ZNF804B: variants seen among roughly 807,000 people sequenced by gnomAD.
The protein encoded by ZNF804B is zinc finger protein 804B, also known as zinc finger 804B.
Under a neutral mutation model 101.4 loss-of-function variants are expected in ZNF804B, and 80 were observed. That is an observed-to-expected ratio of 0.79 (90% confidence interval 0.66 to 0.95). The LOEUF (loss-of-function observed/expected upper bound fraction) is 0.95, where lower values mean the gene tolerates loss of function less well. ZNF804B is among the 40% of genes least tolerant of loss of function. The pLI, the probability that ZNF804B is intolerant of heterozygous loss-of-function variation, is 0.00. For synonymous variants in ZNF804B, 622 were observed against 558.8 expected (o/e 1.11, Z -1.59); for missense variants, 1,673 against 1,561.9 (o/e 1.07, Z -1.20).
intron 1 of ZNF804B, among the ~76,000 whole-genome samples, chr7:88,973,745 A>T (rs1793570828): frequency 6.6e-6 from 1 of 151,394 alleles, no homozygotes; most frequent in Non-Finnish European, 1.5e-5. Context: ...GTTAAACTTA[A>T]TAGTCAGTGG....
chr7:88,994,777 A>G (rs891322110), intron 1 of ZNF804B, among the ~76,000 whole-genome samples: 3 of 151,980 alleles, frequency 2.0e-5, no homozygotes, highest in African/African-American at 7.2e-5. Context: ...TTTTAATCAC[A>G]TTTATTTATT....
chr7:88,953,324 G>A (rs1182414570), intron 1 of ZNF804B, among the ~76,000 whole-genome samples: 1 of 151,656 alleles, frequency 6.6e-6, no homozygotes, highest in Non-Finnish European at 1.5e-5. Context: ...AATCTGGAAT[G>A]TCCATTTCCC....
chr7:89,183,163 G>GT (rs1272003226), intron 1 of ZNF804B, among the ~76,000 whole-genome samples: 2 of 152,064 alleles, frequency 1.3e-5, no homozygotes, highest in African/African-American at 4.8e-5. Flanking sequence ...TGGAAGAAGA[G>GT]TTAGAACAAG....
intron 1 of ZNF804B, among the ~76,000 whole-genome samples, chr7:88,857,863 C>G (rs1336639139): frequency 8.5e-6 from 1 of 118,004 alleles, no homozygotes; most frequent in African/African-American, 3.6e-5. Flanking sequence ...TCACTGCTGC[C>G]CAGACTGGAG....
chr7:88,885,744 T>C (rs913545482), intron 1 of ZNF804B, among the ~76,000 whole-genome samples: 2 of 151,676 alleles, frequency 1.3e-5, no homozygotes, highest in East Asian at 3.9e-4. Context: ...GAATATCTTC[T>C]TGTCATTGTG....
At chr7:88,796,021 C>T (rs1047587602) in intron 1 of ZNF804B, among the ~76,000 whole-genome samples, 1 of 151,970 alleles carries the variant, frequency 6.6e-6, no homozygotes, top group African/African-American at 2.4e-5. Flanking sequence ...TAGACACTAA[C>T]TAAAGACTTC....
chr7:89,304,129 G>A (rs1284277535), intron 2 of ZNF804B, among the ~76,000 whole-genome samples: 2 of 151,672 alleles, frequency 1.3e-5, no homozygotes, highest in Non-Finnish European at 2.9e-5. Context: ...ATCCACAAAT[G>A]TCTTTCCCAA....
At chr7:89,281,819 A>G (rs1285697319) in intron 2 of ZNF804B, among the ~76,000 whole-genome samples, 2 of 152,158 alleles carry the variant, frequency 1.3e-5, no homozygotes, top group Admixed American at 6.6e-5. Context: ...AAAGCAAGCA[A>G]AAGTACTTCC....
At chr7:89,317,074 A>C (rs1790744388) in intron 2 of ZNF804B, among the ~76,000 whole-genome samples, 1 of 152,194 alleles carries the variant, frequency 6.6e-6, no homozygotes. Context: ...ACCCCAGGGC[A>C]TAGGTATACA....
chr7:89,285,522 C>CA (rs778078214), intron 2 of ZNF804B, among the ~76,000 whole-genome samples: 332 of 22,384 alleles, frequency 0.015, 55 homozygotes, highest in East Asian at 0.038. Flanking sequence ...GACTCTGTCT[C>CA]AAAAAAAAAA....
intron 2 of ZNF804B, among the ~76,000 whole-genome samples, chr7:89,223,844 A>G (rs577933147): frequency 5.8e-4 from 88 of 152,064 alleles, no homozygotes; most frequent in African/African-American, 2.0e-3. Context: ...AAACAACTCA[A>G]TATCTTAGCT....
intron 2 of ZNF804B, among the ~76,000 whole-genome samples, chr7:89,299,672 C>T (rs1298551223): frequency 6.6e-6 from 1 of 152,028 alleles, no homozygotes; most frequent in Non-Finnish European, 1.5e-5. Context: ...GTGGATTAAA[C>T]ACGTCTGACG....
intron 2 of ZNF804B, among the ~76,000 whole-genome samples, chr7:89,320,221 A>T (rs1790797888): frequency 6.6e-6 from 1 of 152,176 alleles, no homozygotes; most frequent in African/African-American, 2.4e-5. Context: ...AAAAACAAAT[A>T]GCCTACATGT....
intron 1 of ZNF804B, among the ~76,000 whole-genome samples, chr7:88,792,471 C>T (rs547291097): frequency 1.3e-5 from 2 of 152,132 alleles, no homozygotes; most frequent in South Asian, 4.1e-4. Flanking sequence ...ATCCATTATT[C>T]TCTTACATAT....
At chr7:89,083,293 G>T (rs1367267828) in intron 1 of ZNF804B, among the ~76,000 whole-genome samples, 1 of 151,712 alleles carries the variant, frequency 6.6e-6, no homozygotes, top group East Asian at 1.9e-4. Flanking sequence ...ATGACTATGT[G>T]CAATTATTTG....
At chr7:88,914,716 A>G (rs1213419691) in intron 1 of ZNF804B, among the ~76,000 whole-genome samples, 1 of 152,228 alleles carries the variant, frequency 6.6e-6, no homozygotes, top group African/African-American at 2.4e-5. Context: ...TGGAAACAGT[A>G]CATTTTGGAA....
intron 1 of ZNF804B, among the ~76,000 whole-genome samples, chr7:89,003,507 G>A (rs572529739): frequency 1.3e-5 from 2 of 152,032 alleles, no homozygotes; most frequent in South Asian, 4.1e-4. Flanking sequence ...GCAGTTCCTA[G>A]AAACTGAAGA....
At chr7:89,145,995 A>G (rs950852998) in intron 1 of ZNF804B, among the ~76,000 whole-genome samples, 3 of 152,092 alleles carry the variant, frequency 2.0e-5, no homozygotes, top group African/African-American at 7.2e-5. Flanking sequence ...GATCTTCAGC[A>G]TGCTTTGAAT....
rs533606847 is a variant in ZNF804B, at chr7:89,327,201, G to A, written c.250-143G>A. 362 of 691,758 alleles carry A rather than the reference G, an allele frequency of 5.2e-4. 1 individual carries two copies. In the African/African-American group the frequency reaches 6.4e-3, roughly 12 times the overall value. 42.9% of individuals were successfully genotyped at this position (691,758 alleles called of 1,614,324 possible). On this transcript the variant is annotated intron_variant, in intron 2 of 3. Coordinates refer to ENST00000333190, the MANE Select transcript of ZNF804B (RefSeq NM_181646.5). ...TAAATGTGTCTTGGAGCAGAGAATA[G>A]CAACAATGGAGAAGATACTTTTACT...
Sources: allele counts gnomAD v4.1 joint callset (sites outside exome capture counted in the v4.1 genomes callset), GRCh38; gene constraint gnomAD v4.1.1; transcripts MANE v1.5; gene names NCBI Gene and HGNC (gene_info 2026-07-23, HGNC 2026-07-21).